Variants in SGMS1 observed in about 807,000 individuals in gnomAD.
The protein encoded by SGMS1 is sphingomyelin synthase 1.
Under a neutral mutation model 46.2 loss-of-function variants are expected in SGMS1, and 13 were observed. The observed-to-expected ratio is 0.28, with a 90% confidence interval of 0.18 to 0.45. The LOEUF is 0.45. Among genes scored for constraint, SGMS1 ranks in the 20% least tolerant of loss-of-function variants. The pLI, the probability that SGMS1 is intolerant of heterozygous loss-of-function variation, is 1.00. For missense variants in SGMS1, 324 were observed against 519.9 expected (o/e 0.62, Z 3.66); for synonymous variants, 203 against 187.8 (o/e 1.08, Z -0.66).
chr10:50,601,304 T>C (rs1036519731), intron 1 of SGMS1, among the ~76,000 whole-genome samples: 1 of 152,220 alleles, frequency 6.6e-6, no homozygotes, highest in Non-Finnish European at 1.5e-5. Flanking sequence ...GGAAGAAGTA[T>C]GGATTTGGCA....
At chr10:50,485,420 T>C (rs990117592) in intron 3 of SGMS1, among the ~76,000 whole-genome samples, 20 of 152,196 alleles carry the variant, frequency 1.3e-4, no homozygotes, top group African/African-American at 4.3e-4. Context: ...TGGAAAATCA[T>C]TCCATGCTCA....
chr10:50,331,765 A>G (rs1445887740), intron 7 of SGMS1, among the ~76,000 whole-genome samples: 1 of 152,198 alleles, frequency 6.6e-6, no homozygotes, highest in African/African-American at 2.4e-5. Flanking sequence ...ATTAGATCAC[A>G]AGGGCAGGGT....
intron 3 of SGMS1, among the ~76,000 whole-genome samples, chr10:50,494,991 C>G (rs1164931648): frequency 2.4e-4 from 31 of 129,830 alleles, no homozygotes; most frequent in Non-Finnish European, 3.5e-4. Flanking sequence ...AGCAGAGATC[C>G]CGCCACTGCA....
intron 6 of SGMS1, among the ~76,000 whole-genome samples, chr10:50,381,977 T>C (rs1230771144): frequency 6.6e-6 from 1 of 152,236 alleles, no homozygotes; most frequent in East Asian, 1.9e-4. Context: ...TCTTTCTAGC[T>C]GTAAAATGCA....
intron 5 of SGMS1, among the ~76,000 whole-genome samples, chr10:50,437,848 T>C (rs1849494732): frequency 2.0e-5 from 3 of 152,144 alleles, no homozygotes; most frequent in African/African-American, 7.2e-5. Context: ...GAAGCCACAC[T>C]ATGATGTAGG....
intron 6 of SGMS1, among the ~76,000 whole-genome samples, chr10:50,352,720 C>G (rs143370966): frequency 6.6e-6 from 1 of 152,248 alleles, no homozygotes; most frequent in Admixed American, 6.5e-5. Context: ...TCTCACAGAT[C>G]TAAGCTTGTA....
At chr10:50,620,967 T>G (rs1440222290) in intron 1 of SGMS1, among the ~76,000 whole-genome samples, 2 of 152,148 alleles carry the variant, frequency 1.3e-5, no homozygotes, top group African/African-American at 4.8e-5. Flanking sequence ...GAGGATTACT[T>G]GAGCCCAGGA....
chr10:50,340,593 T>C (rs1452366199), intron 7 of SGMS1: 3 of 152,062 alleles, frequency 2.0e-5, no homozygotes, highest in Non-Finnish European at 2.9e-5. Flanking sequence ...TATAAACATA[T>C]ATACATACAG....
Position 50,458,339 on chromosome 10 carries a change from C to CTTTTTTTTTTT in SGMS1, c.-313+2323_-313+2333dup, listed in dbSNP as rs750349777. Among the ~76,000 whole-genome samples, 695 of 97,134 alleles carry CTTTTTTTTTTT rather than the reference C, an allele frequency of 7.2e-3. 27 individuals are homozygous for CTTTTTTTTTTT. Among genetic ancestry groups the CTTTTTTTTTTT allele is most frequent in the Non-Finnish European group, 0.01 (544 of 52,226 alleles). 63.7% of individuals were successfully genotyped at this position (97,134 alleles called of 152,430 possible). A position where few individuals can be genotyped will look rare whatever the true frequency, so the allele number is the denominator to read the frequency against. On this transcript the variant is annotated intron_variant, in intron 5 of 10. Coordinates refer to ENST00000361781, the MANE Select transcript of SGMS1 (RefSeq NM_147156.4). ...TCTGGCTCTGCTATTTTCTTTTTCT[C>CTTTTTTTTTTT]TTTTTTTTTTTTTTTTTTTTTTTTT...
At chr10:50,327,380 A>C (rs990574293) in intron 7 of SGMS1, 58 bp from the exon 8 acceptor site, 4 of 1,013,164 alleles carry the variant, frequency 3.9e-6, no homozygotes, top group Non-Finnish European at 6.1e-6. Flanking sequence ...AGGTTCATTT[A>C]CTGTAATTTT....
chr10:50,427,882 A>T (rs1219323461), intron 6 of SGMS1, among the ~76,000 whole-genome samples: 4 of 152,184 alleles, frequency 2.6e-5, no homozygotes, highest in Non-Finnish European at 5.9e-5. Context: ...ATGAAGGTTG[A>T]CATCTTCAAT....
chr10:50,558,578 C>G (rs1838207870), intron 2 of SGMS1, among the ~76,000 whole-genome samples: 1 of 152,118 alleles, frequency 6.6e-6, no homozygotes, highest in Non-Finnish European at 1.5e-5. Context: ...AGGCCTGGAA[C>G]CAAATGTCCA....
chr10:50,601,975 C>T (rs916251583), intron 1 of SGMS1, among the ~76,000 whole-genome samples: 1 of 152,158 alleles, frequency 6.6e-6, no homozygotes, highest in Non-Finnish European at 1.5e-5. Context: ...CACATGAGGT[C>T]AGGTGTGAAA....
At chr10:50,625,073 C>T (rs996802472), upstream of SGMS1, 11 of 992,780 alleles carry the variant, frequency 1.1e-5, no homozygotes, top group South Asian at 4.0e-5. Flanking sequence ...CCGCTCGGCA[C>T]CTGCCTCCGC....
chr10:50,333,534 C>T (rs1355921850), intron 7 of SGMS1, among the ~76,000 whole-genome samples: 1 of 152,174 alleles, frequency 6.6e-6, no homozygotes, highest in Non-Finnish European at 1.5e-5. Flanking sequence ...GTATCCTTCT[C>T]TCTTCTTTCT....
At chr10:50,481,786 T>C (rs1258614929) in intron 3 of SGMS1, among the ~76,000 whole-genome samples, 1 of 152,110 alleles carries the variant, frequency 6.6e-6, no homozygotes, top group African/African-American at 2.4e-5. Context: ...TGATAAAACA[T>C]TACAGGAGCT....
chr10:50,498,707 A>T lies in SGMS1; in HGVS notation c.-498+21124T>A, dbSNP rs189625560. On this transcript the variant is annotated intron_variant, in intron 3 of 10. Coordinates refer to ENST00000361781, the MANE Select transcript of SGMS1 (RefSeq NM_147156.4). ...AACATCCTATTTTGTTTACCCATTC[A>T]TCCATCAATGGGTATTTAGGTTGTT... 2.5e-3 allele frequency among the ~76,000 whole-genome samples: 374 copies of T among 152,242 alleles called. 1 individual carries two copies. The highest frequency in any genetic ancestry group is 8.5e-3 in the African/African-American group (352 of 41,530).
At chr10:50,597,985 C>G (rs1838611366) in intron 1 of SGMS1, among the ~76,000 whole-genome samples, 1 of 149,400 alleles carries the variant, frequency 6.7e-6, no homozygotes, top group South Asian at 2.1e-4. Flanking sequence ...GCACTCCAGC[C>G]TGGGCAACAA....
rs571565092 is a variant in SGMS1 at position 50,356,162 on chromosome 10, T to G, written c.-231-11817A>C. 3.2e-4 allele frequency among the ~76,000 whole-genome samples: 48 copies of G among 152,336 alleles called. 1 individual carries two copies. Among genetic ancestry groups the G allele is most frequent in the African/African-American group, 1.1e-3 (45 of 41,556 alleles). On this transcript the variant is annotated intron_variant, in intron 6 of 10. Transcript: ENST00000361781. ...AGAAAGAGATCAGATTGTTACTCTG[T>G]CTGTGTAGAAAGAAGTAGACATAGG...
Sources: gnomAD v4.1 joint callset for allele counts (sites outside exome capture counted in the v4.1 genomes callset) on GRCh38, gnomAD v4.1.1 for gene constraint, MANE v1.5 for transcripts, NCBI Gene and HGNC (gene_info 2026-07-23, HGNC 2026-07-21) for gene names.